Variants in GALNT17 observed in about 807,000 individuals in gnomAD.
GALNT17 encodes the protein UDP-GalNAc:polypeptide N-acetylgalactosaminyltransferase-like 3.
A neutral mutation model predicts 63.7 loss-of-function variants in GALNT17; 29 were observed. The ratio of observed to expected loss-of-function variants is 0.46; its 90% CI spans 0.34 to 0.62. The LOEUF is 0.62. Ranked by LOEUF, GALNT17 falls within the 20% of genes least tolerant of loss-of-function variation. The pLI is 0.01. For synonymous variants in GALNT17, 305 were observed against 318.3 expected (o/e 0.96, Z 0.45); for missense variants, 603 against 799.6 (o/e 0.75, Z 2.97).
intron 9 of GALNT17, among the ~76,000 whole-genome samples, chr7:71,709,813 G>A (rs1406232331): frequency 2.0e-5 from 3 of 152,128 alleles, no homozygotes; most frequent in South Asian, 2.1e-4. Flanking sequence ...TGGTCAGGCT[G>A]GTCTCGAACT....
chr7:71,221,239 C>A (rs1376779615), intron 1 of GALNT17, among the ~76,000 whole-genome samples: 2 of 152,182 alleles, frequency 1.3e-5, no homozygotes, highest in Non-Finnish European at 2.9e-5. Flanking sequence ...GCATTCTATC[C>A]ATGTTCCCAC....
chr7:71,672,936 C>T (rs1791092131), intron 8 of GALNT17, among the ~76,000 whole-genome samples: 1 of 152,088 alleles, frequency 6.6e-6, no homozygotes, highest in South Asian at 2.1e-4. Context: ...GGATGAAAAA[C>T]ACATGACAAT....
At position 71,455,984 on chromosome 7, in the gene GALNT17, G is replaced by A. The variant is rs1787348195; in HGVS notation, c.962+34879G>A. On this transcript the variant is annotated intron_variant, in intron 5 of 10. Transcript: ENST00000333538. Reference sequence around the variant, plus strand: ...TGTGAGGCCGGGGACGGTGGCTCACGTCTGTAATCCCAGCACTTTGGGAGG... The same window carrying A: ...TGTGAGGCCGGGGACGGTGGCTCACATCTGTAATCCCAGCACTTTGGGAGG... 2.6e-5 allele frequency among the ~76,000 whole-genome samples: 4 copies of A among 152,288 alleles called. No homozygotes were observed. The South Asian group carries it at 8.3e-4, about 32-fold the overall frequency.
intron 1 of GALNT17, among the ~76,000 whole-genome samples, chr7:71,249,767 G>T (rs74367301): frequency 0.022 from 3,356 of 152,324 alleles, 63 homozygotes; most frequent in Non-Finnish European, 0.034. Flanking sequence ...CCAAGTAGAA[G>T]AAATTCATAG....
intron 1 of GALNT17, among the ~76,000 whole-genome samples, chr7:71,169,973 A>C (rs1440085825): frequency 7.4e-6 from 1 of 135,642 alleles, no homozygotes; most frequent in Admixed American, 7.5e-5. Flanking sequence ...TACCTTCATC[A>C]TTTTTTTTTT....
At chr7:71,440,585 G>T (rs1002999840) in intron 5 of GALNT17, among the ~76,000 whole-genome samples, 2 of 152,044 alleles carry the variant, frequency 1.3e-5, no homozygotes. Flanking sequence ...TGTTGGTCAG[G>T]CTGGTCTTGA....
At chr7:71,586,196 C>T (rs933171904) in intron 6 of GALNT17, among the ~76,000 whole-genome samples, 8 of 152,260 alleles carry the variant, frequency 5.3e-5, no homozygotes, top group African/African-American at 9.6e-5. Flanking sequence ...CATGAGCCAC[C>T]GCACCCAGCC....
At chr7:71,362,969 CTTTCTTTT>C (rs991077809) in intron 2 of GALNT17, among the ~76,000 whole-genome samples, 3 of 151,830 alleles carry the variant, frequency 2.0e-5, no homozygotes, top group Non-Finnish European at 4.4e-5. Context: ...TTCTTTCTTT[CTTTCTTTT>C]TTTTTTTGAG....
chr7:71,143,899 G>T (rs192340580), intron 1 of GALNT17, among the ~76,000 whole-genome samples: 1 of 151,590 alleles, frequency 6.6e-6, no homozygotes, highest in Non-Finnish European at 1.5e-5. Context: ...AAAGAGTGCA[G>T]CAGTGGGTAT....
chr7:71,672,999 T>G (rs72614850), intron 8 of GALNT17, among the ~76,000 whole-genome samples: 11,488 of 33,518 alleles, frequency 0.34, 1,335 homozygotes, highest in East Asian at 0.7. Flanking sequence ...CACAGAGGTG[T>G]TTTTTTTTCC....
chr7:71,655,332 T>C (rs1458279229), intron 6 of GALNT17, among the ~76,000 whole-genome samples: 1 of 152,100 alleles, frequency 6.6e-6, no homozygotes, highest in African/African-American at 2.4e-5. Flanking sequence ...TTAAAAGAAG[T>C]ATTGATATAC....
chr7:71,183,909 C>T (rs1209407599), intron 1 of GALNT17, among the ~76,000 whole-genome samples: 1 of 151,922 alleles, frequency 6.6e-6, no homozygotes, highest in African/African-American at 2.4e-5. Flanking sequence ...AAAATCAACA[C>T]ACAAAGCAGC....
intron 1 of GALNT17, among the ~76,000 whole-genome samples, chr7:71,328,073 A>G (rs781479392): frequency 6.6e-5 from 10 of 152,134 alleles, no homozygotes; most frequent in Non-Finnish European, 1.2e-4. Flanking sequence ...AAAAGGATGG[A>G]GAATAGATCT....
intron 1 of GALNT17, among the ~76,000 whole-genome samples, chr7:71,227,672 C>T (rs144875292): frequency 2.6e-5 from 4 of 152,174 alleles, no homozygotes; most frequent in African/African-American, 4.8e-5. Flanking sequence ...GTTCCCAAAT[C>T]ATTTCTGCCT....
At chr7:71,269,505 C>G (rs1790548095) in intron 1 of GALNT17, among the ~76,000 whole-genome samples, 1 of 152,102 alleles carries the variant, frequency 6.6e-6, no homozygotes, top group African/African-American at 2.4e-5. Context: ...TCTGTCTTCT[C>G]CCCTCTTCTC....
chr7:71,574,229 C>A (rs1268701874), intron 6 of GALNT17, among the ~76,000 whole-genome samples: 1 of 152,146 alleles, frequency 6.6e-6, no homozygotes, highest in African/African-American at 2.4e-5. Flanking sequence ...GTTCTTTCAG[C>A]CGTTGTGGAA....
intron 1 of GALNT17, among the ~76,000 whole-genome samples, chr7:71,145,113 T>C (rs1787993405): frequency 6.6e-6 from 1 of 152,052 alleles, no homozygotes; most frequent in African/African-American, 2.4e-5. Flanking sequence ...GGGATGAAAT[T>C]GTCAGGATGT....
At chr7:71,559,648 G>A (rs1789219670) in intron 5 of GALNT17, among the ~76,000 whole-genome samples, 1 of 152,118 alleles carries the variant, frequency 6.6e-6, no homozygotes, top group Non-Finnish European at 1.5e-5. Context: ...GATCGCTTGA[G>A]GCCAGGAGTC....
At chr7:71,217,140 G>GTTTTTTTTTTTTTTTTTTTTTTTT (rs200574411) in intron 1 of GALNT17, among the ~76,000 whole-genome samples, 1 of 95,214 alleles carries the variant, frequency 1.1e-5, no homozygotes, top group Non-Finnish European at 2.1e-5. Context: ...ATTTTTTCGT[G>GTTTTTTTTTTTTTTTTTTTTTTTT]TTTTGTTTTT....
Sources: gnomAD v4.1 joint callset for allele counts (sites outside exome capture counted in the v4.1 genomes callset) on GRCh38, gnomAD v4.1.1 for gene constraint, MANE v1.5 for transcripts, NCBI Gene and HGNC (gene_info 2026-07-23, HGNC 2026-07-21) for gene names.